The following SRP54 variants were observed in gnomAD, a reference collection of about 807,000 sequenced individuals.
SRP54 encodes signal recognition particle 54.
SRP54 carries 10 observed loss-of-function variants against 64.8 expected under a neutral mutation model. The observed-to-expected ratio is 0.15, with a 90% CI of 0.10 to 0.26. The LOEUF (loss-of-function observed/expected upper bound fraction) is 0.26, where lower values mean the gene tolerates loss of function less well. Among genes scored for constraint, SRP54 ranks in the 10% least tolerant of loss-of-function variants. SRP54 has a pLI of 1.00. For missense variants in SRP54, 325 were observed against 613.7 expected (o/e 0.53, Z 4.97); for synonymous variants, 193 against 185.6 (o/e 1.04, Z -0.32).
chr14:35,018,815 C>G, intron 12 of SRP54, 50 bp downstream of exon 12: 1 of 1,534,354 alleles, frequency 6.5e-7, no homozygotes, highest in Non-Finnish European at 8.9e-7. Flanking sequence ...ATTAAATTTT[C>G]TAAAATAGAT....
At chr14:35,018,647 A>G (rs897188870) in intron 11 of SRP54, 45 bp from the exon 12 acceptor site, 20 of 1,473,144 alleles carry the variant, frequency 1.4e-5, no homozygotes, top group South Asian at 2.4e-5. Flanking sequence ...TTGAATGGAA[A>G]TGTACATACT....
At chr14:35,017,532 A>G (rs2044463167) in intron 11 of SRP54, among the ~76,000 whole-genome samples, 1 of 152,156 alleles carries the variant, frequency 6.6e-6, no homozygotes, top group Admixed American at 6.5e-5. Context: ...TTTCTAGTTG[A>G]CTGCTATAAC....
intron 1 of SRP54, among the ~76,000 whole-genome samples, chr14:34,992,835 C>A (rs952358201): frequency 1.3e-5 from 2 of 151,002 alleles, no homozygotes; most frequent in African/African-American, 2.4e-5. Context: ...TTTGCCCCCC[C>A]AAAAAGTTAA....
At chr14:35,006,226 T>C (rs1168514368) in intron 4 of SRP54, among the ~76,000 whole-genome samples, 2 of 152,216 alleles carry the variant, frequency 1.3e-5, no homozygotes, top group Non-Finnish European at 2.9e-5. Context: ...GATTATTATT[T>C]TTTACTAGCC....
chr14:34,996,868 A>G lies in SRP54; in HGVS notation c.78+81A>G. On this transcript the variant is annotated intron_variant, in intron 2 of 15. Transcript: ENST00000216774. ...AAGATGGCTTATTCATAATCCCTGT[A>G]TTTATATGTATTTTGATGTAGACTT... The G allele has an allele frequency of 4.0e-6, 4 of 1,004,726 alleles. 1 individual carries two copies. Among genetic ancestry groups the G allele is most frequent in the Non-Finnish European group, 6.3e-6 (4 of 632,940 alleles). The allele number at this position is 1,004,726 out of a possible 1,614,324, so 62.2% of individuals were successfully genotyped here.
intron 1 of SRP54, among the ~76,000 whole-genome samples, chr14:34,991,821 C>G (rs902813146): frequency 6.6e-6 from 1 of 152,098 alleles, no homozygotes; most frequent in Non-Finnish European, 1.5e-5. Context: ...AAAATTCTAA[C>G]ACGGAGTTTT....
intron 7 of SRP54, among the ~76,000 whole-genome samples, chr14:35,009,529 C>CA (rs572850199): frequency 6.3e-4 from 96 of 151,992 alleles, no homozygotes; most frequent in Middle Eastern, 6.8e-3. Context: ...TTCAAGTTGA[C>CA]AAAGATTGTA....
chr14:34,987,246 A>ATATATAT (rs759707249), intron 1 of SRP54, among the ~76,000 whole-genome samples: 8 of 110,068 alleles, frequency 7.3e-5, no homozygotes, highest in African/African-American at 2.9e-4. Flanking sequence ...AAAAAAAAAA[A>ATATATAT]ATATATATAT....
In SRP54 at chr14:35,023,942, A is replaced by G. The variant is rs529794457; in HGVS notation, c.1327+862A>G. Among the ~76,000 whole-genome samples the G allele has an allele frequency of 9.9e-5, 15 of 152,278 alleles. 1 individual carries two copies. The South Asian group carries it at 2.7e-3, about 27-fold the overall frequency. On this transcript the variant is annotated intron_variant, in intron 14 of 15. Coordinates refer to ENST00000216774, the MANE Select transcript of SRP54 (RefSeq NM_003136.4). ...ATCAGATCAGTTTTTGTGCAGTTCC[A>G]TGAGACCAGGGATTTTTGCCTGTTT...
chr14:35,010,341 G>A (rs113036047), intron 7 of SRP54, among the ~76,000 whole-genome samples: 25,866 of 151,916 alleles, frequency 0.17, 2,346 homozygotes, highest in East Asian at 0.3. Flanking sequence ...AGCTACTCAG[G>A]AGGCTGAGGC....
chr14:35,009,009 C>T (rs1435750722), intron 7 of SRP54, among the ~76,000 whole-genome samples, 178 bp downstream of exon 7: 1 of 150,502 alleles, frequency 6.6e-6, no homozygotes, highest in Non-Finnish European at 1.5e-5. Context: ...GTCTCAGCTT[C>T]CTGAGTAACT....
chr14:35,023,401 G>A (rs1566656905), intron 14 of SRP54, among the ~76,000 whole-genome samples: 1 of 151,516 alleles, frequency 6.6e-6, no homozygotes, highest in Non-Finnish European at 1.5e-5. Flanking sequence ...AGAGAATCCA[G>A]TGGATCCTAC....
chr14:35,019,267 T>C (rs2044488839), intron 13 of SRP54, 193 bp downstream of exon 13: 1 of 482,932 alleles, frequency 2.1e-6, no homozygotes, highest in South Asian at 2.3e-5. Flanking sequence ...TTGAGAGAAA[T>C]GTCTAGTATA....
At position 35,014,801 on chromosome 14, in the gene SRP54, A is replaced by G. The variant is rs1252091441; in HGVS notation, c.944A>G (p.Asn315Ser). The change falls in exon 11 of 16, where the codon AAT (asparagine) becomes AGT (serine). Residue 315 changes from asparagine to serine, a missense_variant. Asn to Ser is a conservative substitution (Grantham distance 46). Transcript: ENST00000216774. ...GTCAACGAGTTGAAGTTGGATGACA[A>G]TGAAGCACTTATAGAGAAGTTGAAA... ...DKVNELKLDD[N>S]EALIEKLKHG... 2.5e-6 allele frequency: 4 copies of G among 1,613,878 alleles called. No homozygotes were observed. The highest frequency in any genetic ancestry group is 2.7e-5 in the African/African-American group (2 of 74,930).
intron 1 of SRP54, among the ~76,000 whole-genome samples, chr14:34,991,217 C>T (rs766965007): frequency 3.3e-5 from 5 of 150,924 alleles, no homozygotes; most frequent in Non-Finnish European, 7.4e-5. Context: ...GTAACCTCCA[C>T]CTCCTGGGTT....
intron 2 of SRP54, among the ~76,000 whole-genome samples, chr14:34,998,037 G>A (rs919340508): frequency 7.9e-5 from 12 of 152,006 alleles, no homozygotes; most frequent in African/African-American, 2.9e-4. Context: ...ATACTGTGCT[G>A]CTAGCTAATT....
intron 2 of SRP54, among the ~76,000 whole-genome samples, chr14:34,998,266 T>A (rs539164990): frequency 2.6e-5 from 4 of 152,288 alleles, no homozygotes; most frequent in African/African-American, 9.6e-5. Flanking sequence ...ATTCCTAACC[T>A]CATAGAGTTT....
At chr14:34,992,571 T>C (rs942980728) in intron 1 of SRP54, among the ~76,000 whole-genome samples, 6 of 152,128 alleles carry the variant, frequency 3.9e-5, no homozygotes, top group African/African-American at 1.4e-4. Flanking sequence ...TTCTCACTTA[T>C]AAGTGAGAGC....
Position 34,987,259 on chromosome 14 carries a change from A to ATGTG in SRP54, c.-34+4058_-34+4061dup, listed in dbSNP as rs1296145213. On this transcript the variant is annotated intron_variant, in intron 1 of 15. Coordinates refer to ENST00000216774, the MANE Select transcript of SRP54 (RefSeq NM_003136.4). ...AAAAAAAAAAAAAATATATATATATATGTGTGTGTGTGTGTGTATATATAT... is the reference window on the plus strand; with the variant it reads ...AAAAAAAAAAAAAATATATATATATATGTGTGTGTGTGTGTGTGTGTATATATAT... Among the ~76,000 whole-genome samples the ATGTG allele has an allele frequency of 1.8e-3, 205 of 113,452 alleles. 4 individuals carry two copies. The East Asian group carries it at 0.027, about 15-fold the overall frequency. The allele number at this position is 113,452 out of a possible 152,430, so 74.4% of individuals were successfully genotyped here.
Sources: gnomAD v4.1 joint callset for allele counts (sites outside exome capture counted in the v4.1 genomes callset) on GRCh38, gnomAD v4.1.1 for gene constraint, MANE v1.5 for transcripts, NCBI Gene and HGNC (gene_info 2026-07-23, HGNC 2026-07-21) for gene names.